MAP3K20: variants seen among roughly 807,000 people sequenced by gnomAD.
The protein encoded by MAP3K20 is mitogen-activated protein kinase kinase kinase 20, also known as HCCS-4.
A neutral mutation model predicts 85.7 loss-of-function variants in MAP3K20; 40 were observed. The observed-to-expected ratio is 0.47, with a 90% CI of 0.36 to 0.61. MAP3K20 has a LOEUF of 0.61. Among genes scored for constraint, MAP3K20 ranks in the 20% least tolerant of loss-of-function variants. The pLI, the probability that MAP3K20 is intolerant of heterozygous loss-of-function variation, is 0.00. For missense variants in MAP3K20, 817 were observed against 961.7 expected (o/e 0.85, Z 1.99); for synonymous variants, 325 against 327.7 (o/e 0.99, Z 0.09).
intron 16 of MAP3K20, among the ~76,000 whole-genome samples, chr2:173,244,693 A>C (rs1256695090): frequency 6.6e-6 from 1 of 152,240 alleles, no homozygotes; most frequent in Non-Finnish European, 1.5e-5. Flanking sequence ...GTTCTGAATT[A>C]TACCAGCTAT....
At chr2:173,122,623 C>T (rs182851639) in intron 2 of MAP3K20, among the ~76,000 whole-genome samples, 109 of 152,240 alleles carry the variant, frequency 7.2e-4, no homozygotes, top group Non-Finnish European at 1.4e-3. Flanking sequence ...TTCTGTGACT[C>T]TCCATTGTGG....
intron 2 of MAP3K20, among the ~76,000 whole-genome samples, chr2:173,136,301 C>T (rs1688798229): frequency 6.6e-6 from 1 of 152,172 alleles, no homozygotes; most frequent in Admixed American, 6.6e-5. Context: ...GTTTCTTTCC[C>T]TCTTTTTGAC....
In MAP3K20 at chr2:173,266,447, T is replaced by A. The variant is rs1344124826; in HGVS notation, c.2100T>A (p.Ser700Arg). Reference sequence around the variant, plus strand: ...CTAGAGGAAGATACAGTGGAAAGAGTCAGCATTCCACTCCTTCAAGAGGAA... The same window carrying A: ...CTAGAGGAAGATACAGTGGAAAGAGACAGCATTCCACTCCTTCAAGAGGAA... ...SSPRGRYSGK[S>R]QHSTPSRGRY... The change falls in exon 20 of 20, where the codon AGT becomes AGA. Residue 700 changes from serine (S) to arginine (R), a missense_variant. This residue lies in a region of MAP3K20 where 454 missense variants were observed against 476.9 expected (regional missense o/e 0.95). Coordinates refer to ENST00000375213, the MANE Select transcript of MAP3K20 (RefSeq NM_016653.3). 1 of 1,613,682 alleles carries A rather than the reference T, an allele frequency of 6.2e-7. No homozygotes were observed. The highest frequency in any genetic ancestry group is 2.2e-5 in the East Asian group (1 of 44,856).
intron 16 of MAP3K20, 51 bp from the exon 17 acceptor site, chr2:173,258,648 A>C: frequency 8.8e-7 from 1 of 1,136,262 alleles, no homozygotes; most frequent in Non-Finnish European, 1.3e-6. Flanking sequence ...TGAGACTAAA[A>C]AAAAAATTGT....
intron 17 of MAP3K20, among the ~76,000 whole-genome samples, chr2:173,260,608 T>C (rs1342830627): frequency 6.6e-6 from 1 of 152,202 alleles, no homozygotes; most frequent in Non-Finnish European, 1.5e-5. Context: ...ATGTGCAGCT[T>C]TGCTGGATAG....
rs749535072 is a variant in MAP3K20, at chr2:173,182,914, A to G, written c.308A>G (p.Asp103Gly). Residue 103 changes from aspartate to glycine, a missense_variant, in exon 4 of 20, where the codon GAT (aspartate) becomes GGT (glycine). Asp to Gly is a moderately conservative substitution (Grantham distance 94, BLOSUM62 -1). Around this residue, in one of 4 missense-constraint regions of MAP3K20, gnomAD observed 200 missense variants for 302.7 expected, o/e 0.66. Transcript: ENST00000375213. ...YINSNRSEEM[D>G]MDHIMTWATD... ...AACAGTAACAGAAGTGAGGAGATGG[A>G]TATGGATCACATTATGACCTGGGCC... 2 of 1,611,190 alleles carry G rather than the reference A, an allele frequency of 1.2e-6. No homozygotes were observed. Among genetic ancestry groups the G allele is most frequent in the East Asian group, 4.5e-5 (2 of 44,706 alleles).
chr2:173,154,196 T>C (rs889707688), intron 2 of MAP3K20, among the ~76,000 whole-genome samples: 2 of 152,194 alleles, frequency 1.3e-5, no homozygotes, highest in Admixed American at 1.3e-4. Context: ...CCATTCTCTT[T>C]TTTTTGAGAT....
At chr2:173,233,867 A>C (rs901621463) in intron 14 of MAP3K20, among the ~76,000 whole-genome samples, 2 of 152,148 alleles carry the variant, frequency 1.3e-5, no homozygotes, top group East Asian at 3.8e-4. Flanking sequence ...CTTGGCACTC[A>C]CCCACCAGAG....
At chr2:173,147,100 T>C (rs1689159601) in intron 2 of MAP3K20, among the ~76,000 whole-genome samples, 1 of 152,254 alleles carries the variant, frequency 6.6e-6, no homozygotes. Context: ...TTCCACATAC[T>C]AGTCCCTTAT....
chr2:173,084,890 G>A (rs1687105059), intron 1 of MAP3K20, among the ~76,000 whole-genome samples: 1 of 152,216 alleles, frequency 6.6e-6, no homozygotes, highest in South Asian at 2.1e-4. Context: ...GAGACACAGT[G>A]CCTTGCCCAA....
chr2:173,153,171 G>A (rs547533979), intron 2 of MAP3K20, among the ~76,000 whole-genome samples: 1 of 152,212 alleles, frequency 6.6e-6, no homozygotes, highest in African/African-American at 2.4e-5. Context: ...GCTGATAATC[G>A]ATTTACCTAC....
chr2:173,147,181 A>G (rs563269573), intron 2 of MAP3K20, among the ~76,000 whole-genome samples: 12 of 152,330 alleles, frequency 7.9e-5, no homozygotes, highest in South Asian at 2.1e-4. Flanking sequence ...GATAATATCT[A>G]TTGAAGTACT....
chr2:173,152,579 C>A lies in MAP3K20; in HGVS notation c.160-17226C>A, dbSNP rs575609171. Among the ~76,000 whole-genome samples, 60 of 152,270 alleles carry A rather than the reference C, an allele frequency of 3.9e-4. No homozygotes were observed. The South Asian group carries it at 4.6e-3, about 12-fold the overall frequency. On this transcript the variant is annotated intron_variant, in intron 2 of 19. Coordinates refer to ENST00000375213, the MANE Select transcript of MAP3K20 (RefSeq NM_016653.3). ...TCTTAAAGGAGCCCTTTTAAAAAAA[C>A]CTTTCTGCTCAAAGATAGTAAGGTG...
chr2:173,246,788 T>C (rs1415372328), intron 16 of MAP3K20, among the ~76,000 whole-genome samples: 1 of 152,020 alleles, frequency 6.6e-6, no homozygotes, highest in Non-Finnish European at 1.5e-5. Flanking sequence ...TAACCTGACA[T>C]AGATAAGAGA....
At chr2:173,230,189 G>A (rs773486293) in intron 12 of MAP3K20, among the ~76,000 whole-genome samples, 1 of 152,068 alleles carries the variant, frequency 6.6e-6, no homozygotes, top group Non-Finnish European at 1.5e-5. Context: ...AGTAAAGCAA[G>A]TATCTCTGCA....
intron 12 of MAP3K20, among the ~76,000 whole-genome samples, chr2:173,231,018 T>G (rs925394486): frequency 1.3e-5 from 2 of 152,068 alleles, no homozygotes; most frequent in Non-Finnish European, 2.9e-5. Flanking sequence ...TTTTTTAAGT[T>G]CTATAAAACT....
chr2:173,116,036 G>A (rs553799060), intron 2 of MAP3K20, among the ~76,000 whole-genome samples: 2 of 151,284 alleles, frequency 1.3e-5, no homozygotes, highest in South Asian at 2.1e-4. Flanking sequence ...AAATTGTAGA[G>A]AAAGGGTTTT....
At chr2:173,125,730 T>C (rs1050242570) in intron 2 of MAP3K20, among the ~76,000 whole-genome samples, 1 of 152,138 alleles carries the variant, frequency 6.6e-6, no homozygotes, top group Admixed American at 6.5e-5. Context: ...TGGCGCGATC[T>C]CAGCTCACTG....
chr2:173,114,419 C>T (rs949244463), intron 2 of MAP3K20, among the ~76,000 whole-genome samples: 6 of 152,174 alleles, frequency 3.9e-5, no homozygotes, highest in South Asian at 2.1e-4. Context: ...GGTACTATTG[C>T]GTTAATCATG....
Sources: allele counts gnomAD v4.1 joint callset (sites outside exome capture counted in the v4.1 genomes callset), GRCh38; gene constraint gnomAD v4.1.1; regional missense constraint gnomAD v4.1.1; transcripts MANE v1.5; gene names NCBI Gene and HGNC (gene_info 2026-07-23, HGNC 2026-07-21).